HTT: variants seen among roughly 807,000 people sequenced by gnomAD.
HTT encodes the protein huntingtin.
HTT carries 104 observed loss-of-function variants against 362.3 expected under a neutral mutation model. The ratio of observed to expected loss-of-function variants is 0.29; its 90% CI spans 0.24 to 0.34. HTT has a LOEUF of 0.34. Ranked by LOEUF, HTT falls within the 10% of genes least tolerant of loss-of-function variation. The pLI, the probability that HTT is intolerant of heterozygous loss-of-function variation, is 1.00. For missense variants in HTT, 3,301 were observed against 3,928.6 expected (o/e 0.84, Z 4.27); for synonymous variants, 1,577 against 1,548.7 (o/e 1.02, Z -0.43).
chr4:3,233,924 C>A (rs12649464), intron 61 of HTT, among the ~76,000 whole-genome samples: 1 of 152,210 alleles, frequency 6.6e-6, no homozygotes, highest in Admixed American at 6.5e-5. Context: ...CTTCCAAAGT[C>A]GCAGAGGCTT....
intron 41 of HTT, among the ~76,000 whole-genome samples, chr4:3,202,707 AG>A (rs1457947957): frequency 1.3e-5 from 2 of 152,162 alleles, no homozygotes; most frequent in African/African-American, 4.8e-5. Flanking sequence ...CCATTGCAGA[AG>A]GCCATAGAAA....
At position 3,127,398 on chromosome 4, in the gene HTT, G is replaced by A; in HGVS notation, c.1537G>A (p.Ala513Thr). 1 of 1,614,116 alleles carries A rather than the reference G, an allele frequency of 6.2e-7. No individual in the cohort carries two copies. Among genetic ancestry groups the A allele is most frequent in the South Asian group, 1.1e-5 (1 of 91,084 alleles). The change falls in exon 12 of 67, where the codon GCC (alanine) becomes ACC (threonine). Residue 513 changes from alanine to threonine, a missense_variant. By Grantham distance (58) the Ala-to-Thr change is moderately conservative. Transcript: ENST00000355072. ...HTLQADSVDLASCDLTSSATD... is the reference protein window; with the variant it reads ...HTLQADSVDLTSCDLTSSATD... ...ACTGCAGGCGGACTCAGTGGATCTG[G>A]CCAGCTGTGACTTGACAAGCTCTGC...
intron 40 of HTT, among the ~76,000 whole-genome samples, chr4:3,192,300 A>T (rs1010407462): frequency 6.6e-6 from 1 of 151,560 alleles, no homozygotes; most frequent in Admixed American, 6.6e-5. Flanking sequence ...CGGGTCTTTA[A>T]CTCTTAGCTT....
intron 2 of HTT, among the ~76,000 whole-genome samples, chr4:3,093,461 A>G (rs1452470933): frequency 6.6e-6 from 1 of 152,230 alleles, no homozygotes; most frequent in Non-Finnish European, 1.5e-5. Flanking sequence ...AGGCTGGAAG[A>G]GCAGAAATTG....
At chr4:3,182,523 C>G in intron 37 of HTT, 53 bp downstream of exon 37, 2 of 1,161,798 alleles carry the variant, frequency 1.7e-6, no homozygotes, top group Non-Finnish European at 1.3e-6. Context: ...AGCTTAAGGT[C>G]CTTGTGAAAG....
At chr4:3,138,824 A>T (rs1716205439) in intron 21 of HTT, among the ~76,000 whole-genome samples, 1 of 152,054 alleles carries the variant, frequency 6.6e-6, no homozygotes, top group South Asian at 2.1e-4. Flanking sequence ...TGTTGGCCAG[A>T]CTGGTCTCAA....
chr4:3,227,019 G>A (rs1324326424), intron 57 of HTT, among the ~76,000 whole-genome samples: 1 of 152,246 alleles, frequency 6.6e-6, no homozygotes, highest in Non-Finnish European at 1.5e-5. Context: ...CTGAAGGGCA[G>A]GCTGAGAGTG....
intron 3 of HTT, among the ~76,000 whole-genome samples, chr4:3,103,451 C>T (rs903667414): frequency 9.2e-5 from 14 of 151,920 alleles, no homozygotes; most frequent in Non-Finnish European, 1.5e-4. Context: ...GTCTTGAACT[C>T]CTGACCTCAG....
Position 3,127,478 on chromosome 4 carries a change from C to T in HTT, c.1617C>T (p.Ala539=), listed in dbSNP as rs573811022. 34 of 1,614,124 alleles carry T rather than the reference C, an allele frequency of 2.1e-5. No individual in the cohort carries two copies. Among genetic ancestry groups the T allele is most frequent in the Middle Eastern group, 1.6e-4 (1 of 6,062 alleles). ...ILSHSSSQVS[A]VPSDPAMDLN... ...GCCACAGCTCCAGCCAGGTCAGCGC[C>T]GTCCCATCTGACCCTGCCATGGACC... The change falls in exon 12 of 67, where the codon GCC becomes GCT. Residue 539 remains alanine, a synonymous_variant. Coordinates refer to ENST00000355072, the MANE Select transcript of HTT (RefSeq NM_001388492.1).
intron 65 of HTT, 51 bp downstream of exon 65, chr4:3,238,660 T>A (rs749269415): frequency 6.5e-7 from 1 of 1,533,902 alleles, no homozygotes; most frequent in East Asian, 2.3e-5. Flanking sequence ...GGAGGTGGAG[T>A]TGCCTCCGAC....
intron 40 of HTT, among the ~76,000 whole-genome samples, chr4:3,192,891 G>T (rs774137333): frequency 3.3e-5 from 5 of 152,250 alleles, no homozygotes; most frequent in African/African-American, 4.8e-5. Context: ...GGCTCTGGTT[G>T]TGCCAAGTTC....
Position 3,188,841 on chromosome 4 carries a change from T to A in HTT, c.5226-110T>A. The A allele has an allele frequency of 3.7e-6, 4 of 1,070,694 alleles. No individual in the cohort carries two copies. The Admixed American group carries it at 8.7e-5, about 23-fold the overall frequency. The allele number at this position is 1,070,694 out of a possible 1,614,324, so 66.3% of individuals were successfully genotyped here. A position where few individuals can be genotyped will look rare whatever the true frequency, so the allele number is the denominator to read the frequency against. On this transcript the variant is annotated intron_variant, in intron 39 of 66. Transcript: ENST00000355072. ...CATTTCACTTTAGCGGTTAATGTAC[T>A]CTACCTATATTTTTACTTTATATTT...
At chr4:3,229,076 C>A in intron 59 of HTT, 67 bp downstream of exon 59, 2 of 1,389,570 alleles carry the variant, frequency 1.4e-6, no homozygotes, top group Non-Finnish European at 9.9e-7. Context: ...CCACACACCC[C>A]ACACACACAC....
chr4:3,157,290 A>C, intron 28 of HTT, 91 bp downstream of exon 28: 1 of 1,242,928 alleles, frequency 8.0e-7, no homozygotes, highest in Non-Finnish European at 1.1e-6. Context: ...TGTAGGATGT[A>C]TAAGCCCTTT....
At position 3,229,020 on chromosome 4, in the gene HTT, C is replaced by T. The variant is rs1478040391; in HGVS notation, c.8109+11C>T. The T allele has an allele frequency of 6.3e-7, 1 of 1,594,634 alleles. No homozygotes were observed. The highest frequency in any genetic ancestry group is 8.6e-7 in the Non-Finnish European group (1 of 1,162,952). ...GAGGTGGTCAGATCCGTAAGTGAGC[C>T]TTCCCATTCCCCTCACACCTGCACG... On this transcript the variant is annotated intron_variant, in intron 59 of 66. Coordinates refer to ENST00000355072, the MANE Select transcript of HTT (RefSeq NM_001388492.1).
At chr4:3,176,147 C>A (rs1366163097) in intron 33 of HTT, among the ~76,000 whole-genome samples, 1 of 151,976 alleles carries the variant, frequency 6.6e-6, no homozygotes, top group Admixed American at 6.5e-5. Flanking sequence ...CCTGCCTCAG[C>A]CTCCCGAGTA....
At chr4:3,112,144 G>T (rs1295457188) in intron 6 of HTT, among the ~76,000 whole-genome samples, 1 of 152,078 alleles carries the variant, frequency 6.6e-6, no homozygotes, top group Non-Finnish European at 1.5e-5. Context: ...CATGATTTTT[G>T]TGGGGTTTCT....
intron 64 of HTT, among the ~76,000 whole-genome samples, chr4:3,237,615 C>G (rs2110305628): frequency 6.6e-6 from 1 of 152,314 alleles, no homozygotes. Context: ...CCACAGATTT[C>G]TCTCTGTGGA....
chr4:3,179,605 G>A (rs1358165937), intron 35 of HTT, among the ~76,000 whole-genome samples: 2 of 150,508 alleles, frequency 1.3e-5, no homozygotes, highest in Non-Finnish European at 3.0e-5. Flanking sequence ...GTGTGTGTAC[G>A]TGTGTGTGTG....
Sources: gnomAD v4.1 joint callset for allele counts (sites outside exome capture counted in the v4.1 genomes callset) on GRCh38, gnomAD v4.1.1 for gene constraint, MANE v1.5 for transcripts, NCBI Gene and HGNC (gene_info 2026-07-23, HGNC 2026-07-21) for gene names.